FGD4: variants seen among roughly 807,000 people sequenced by gnomAD.
FGD4 encodes FYVE, RhoGEF and PH domain-containing protein 4.
In FGD4, 42 loss-of-function variants were observed where a neutral mutation model predicts 102.0. The observed-to-expected ratio is 0.41, with a 90% confidence interval of 0.32 to 0.53. The LOEUF (loss-of-function observed/expected upper bound fraction) is 0.53. Among genes scored for constraint, FGD4 ranks in the 20% least tolerant of loss-of-function variants. The pLI, the probability that FGD4 is intolerant of heterozygous loss-of-function variation, is 0.21. For missense variants in FGD4, 902 were observed against 1,078.2 expected, an observed-to-expected ratio of 0.84 and a Z score of 2.29; for synonymous variants, 380 against 375.7, an observed-to-expected ratio of 1.01 and a Z score of -0.13.
In FGD4 at chr12:32,638,845, G is replaced by T. The variant is rs766994432; in HGVS notation, c.2454+50G>T. The T allele has an allele frequency of 4.3e-6, 7 of 1,612,542 alleles. No individual in the cohort carries two copies. In the East Asian group the frequency reaches 1.3e-4, roughly 31 times the overall value. On this transcript the variant is annotated intron_variant, in intron 16 of 16. Coordinates refer to ENST00000534526, the MANE Select transcript of FGD4 (RefSeq NM_001370298.3). Reference sequence around the variant, plus strand: ...GGGACAGATGCCCTTGGGGGCAAGGGGAAGCGAGTGGACAGCGGACTCAAA... The same window carrying T: ...GGGACAGATGCCCTTGGGGGCAAGGTGAAGCGAGTGGACAGCGGACTCAAA...
At chr12:32,549,828 G>A (rs1208942986) in intron 1 of FGD4, among the ~76,000 whole-genome samples, 3 of 152,206 alleles carry the variant, frequency 2.0e-5, no homozygotes, top group African/African-American at 7.2e-5. Flanking sequence ...GAAAGGCACT[G>A]TTTCCCTGTC....
intron 1 of FGD4, among the ~76,000 whole-genome samples, chr12:32,518,152 G>C (rs1253356520): frequency 6.6e-6 from 1 of 152,178 alleles, no homozygotes; most frequent in Non-Finnish European, 1.5e-5. Context: ...CTAGGAACAT[G>C]ACTACTGCCT....
intron 1 of FGD4, chr12:32,486,031 A>G: frequency 6.8e-7 from 1 of 1,468,742 alleles, no homozygotes; most frequent in Non-Finnish European, 8.9e-7. Context: ...TAAATACAGA[A>G]TGCCTATAGT....
rs1274862461 is a variant in FGD4 at position 32,416,316 on chromosome 12, AT to A, written c.166+16359del. Among the ~76,000 whole-genome samples, 3 of 152,240 alleles carry A rather than the reference AT, an allele frequency of 2.0e-5. No individual in the cohort carries two copies. In the South Asian group the frequency reaches 6.2e-4, roughly 32 times the overall value. On this transcript the variant is annotated intron_variant, in intron 1 of 16. Coordinates refer to ENST00000534526, the MANE Select transcript of FGD4 (RefSeq NM_001370298.3). ...TACCTGGCCAACTGTATGTCTTTTGATTAGAGAGTTTAGTTGATTTACAATC... is the reference window on the plus strand; with the variant it reads ...TACCTGGCCAACTGTATGTCTTTTGATAGAGAGTTTAGTTGATTTACAATC...
At position 32,593,922 on chromosome 12, in the gene FGD4, G is replaced by T. The variant is rs1463421610; in HGVS notation, c.1012-4575G>T. ...GTATTTCAAATGAATTTTGCTGAAT[G>T]ACAGAAACAAGACTAAGAAGGCACA... On this transcript the variant is annotated intron_variant, in intron 4 of 16. Coordinates refer to ENST00000534526, the MANE Select transcript of FGD4 (RefSeq NM_001370298.3). 2.6e-5 allele frequency among the ~76,000 whole-genome samples: 4 copies of T among 152,150 alleles called. No individual in the cohort carries two copies. In the East Asian group the frequency reaches 7.7e-4, roughly 29 times the overall value.
intron 1 of FGD4, among the ~76,000 whole-genome samples, chr12:32,436,965 C>T (rs935123858): frequency 2.0e-5 from 3 of 151,932 alleles, no homozygotes; most frequent in Admixed American, 6.6e-5. Flanking sequence ...TAAAATTAGC[C>T]AGGCATGGTG....
At chr12:32,408,674 A>G (rs1941061585) in intron 1 of FGD4, among the ~76,000 whole-genome samples, 1 of 152,144 alleles carries the variant, frequency 6.6e-6, no homozygotes, top group African/African-American at 2.4e-5. Flanking sequence ...CCCCGTCCTC[A>G]CCACTTCCTT....
chr12:32,578,661 C>CATA (rs1946330704), intron 3 of FGD4, among the ~76,000 whole-genome samples: 1 of 151,982 alleles, frequency 6.6e-6, no homozygotes, highest in Non-Finnish European at 1.5e-5. Flanking sequence ...AGAACCGTAT[C>CATA]TCTACAAAAA....
At position 32,640,942 on chromosome 12, in the gene FGD4, G is replaced by A; in HGVS notation, c.*409G>A. 3.2e-6 allele frequency: 1 copy of A among 308,734 alleles called. No homozygotes were observed. The highest frequency in any genetic ancestry group is 6.9e-5 in the East Asian group (1 of 14,488). 19.1% of individuals were successfully genotyped at this position (308,734 alleles called of 1,614,324 possible). ...CATGTTGCCAAAATAGATCCATGGTGAAAAATACAGGGACAGTTGAGGCTA... is the reference window on the plus strand; with the variant it reads ...CATGTTGCCAAAATAGATCCATGGTAAAAAATACAGGGACAGTTGAGGCTA... On this transcript the variant is annotated 3_prime_UTR_variant, in exon 17 of 17. Coordinates refer to ENST00000534526, the MANE Select transcript of FGD4 (RefSeq NM_001370298.3).
At chr12:32,577,701 A>G (rs1236307542) in intron 3 of FGD4, among the ~76,000 whole-genome samples, 4 of 152,222 alleles carry the variant, frequency 2.6e-5, no homozygotes, top group Non-Finnish European at 5.9e-5. Context: ...GACCTTTGCT[A>G]TCTTGAATTA....
intron 1 of FGD4, chr12:32,485,906 G>C: frequency 8.0e-7 from 1 of 1,255,872 alleles, no homozygotes; most frequent in Non-Finnish European, 1.0e-6. Context: ...CGTTGCTTGC[G>C]TAGTTCCTTG....
At chr12:32,569,377 A>G (rs1185368040) in intron 2 of FGD4, among the ~76,000 whole-genome samples, 2 of 152,130 alleles carry the variant, frequency 1.3e-5, no homozygotes, top group African/African-American at 4.8e-5. Flanking sequence ...AGTGGTCCAG[A>G]GTCTACTTTC....
In FGD4 at chr12:32,633,789, C is replaced by T; in HGVS notation, c.2313+100C>T. 5 of 1,082,078 alleles carry T rather than the reference C, an allele frequency of 4.6e-6. No homozygotes were observed. The South Asian group carries it at 6.9e-5, about 15-fold the overall frequency. 67.0% of individuals were successfully genotyped at this position (1,082,078 alleles called of 1,614,324 possible). ...GAGGTGCAGTGGCACGATCTCAGCT[C>T]ACTGCAACCTCAGCCTCCCAAGTTG... is the stretch of plus-strand genomic sequence containing the variant. On this transcript the variant is annotated intron_variant, in intron 15 of 16. Transcript: ENST00000534526.
In FGD4 at chr12:32,582,166, T is replaced by C; in HGVS notation, c.710T>C (p.Met237Thr). Residue 237 changes from methionine (M) to threonine (T), a missense_variant, in exon 4 of 17, where the codon ATG (methionine) becomes ACG (threonine). By Grantham distance (81) the Met-to-Thr change is moderately conservative. Transcript: ENST00000534526. The stretch of plus-strand genomic sequence containing the variant: ...GGTGTAATGGCAGCACAAAACCAGA[T>C]GGAATGTGAGGAGGAGAAAGCTGCC... ...ANGVMAAQNQ[M>T]ECEEEKAATL... 6.2e-7 allele frequency: 1 copy of C among 1,614,026 alleles called. No individual in the cohort carries two copies. Among genetic ancestry groups the C allele is most frequent in the African/African-American group, 1.3e-5 (1 of 74,954 alleles).
chr12:32,438,782 T>G (rs897000546), intron 1 of FGD4, among the ~76,000 whole-genome samples: 1 of 151,600 alleles, frequency 6.6e-6, no homozygotes, highest in Non-Finnish European at 1.5e-5. Context: ...ATTTTCTGTG[T>G]TTTTTTTAGT....
intron 1 of FGD4, among the ~76,000 whole-genome samples, chr12:32,439,342 C>G (rs1175556999): frequency 6.6e-6 from 1 of 152,190 alleles, no homozygotes; most frequent in African/African-American, 2.4e-5. Context: ...ATCTATGCCA[C>G]ATTTTCTATT....
intron 1 of FGD4, among the ~76,000 whole-genome samples, chr12:32,483,231 G>T (rs942444435): frequency 4.6e-5 from 7 of 152,098 alleles, no homozygotes; most frequent in African/African-American, 1.4e-4. Flanking sequence ...AATTGATCAG[G>T]ATCACTTGAT....
At chr12:32,579,822 C>G (rs1259554282) in intron 3 of FGD4, among the ~76,000 whole-genome samples, 1 of 152,216 alleles carries the variant, frequency 6.6e-6, no homozygotes, top group African/African-American at 2.4e-5. Context: ...TTTATCCTTT[C>G]TTTCCTCTGG....
At chr12:32,494,734 T>A (rs1238946896) in intron 1 of FGD4, among the ~76,000 whole-genome samples, 2 of 152,176 alleles carry the variant, frequency 1.3e-5, no homozygotes, top group Non-Finnish European at 2.9e-5. Flanking sequence ...GAGGGCATGG[T>A]TGGCACCCAA....
Sources: gnomAD v4.1 joint callset for allele counts (sites outside exome capture counted in the v4.1 genomes callset) on GRCh38, gnomAD v4.1.1 for gene constraint, MANE v1.5 for transcripts, NCBI Gene and HGNC (gene_info 2026-07-23, HGNC 2026-07-21) for gene names.